The following CCDC171 variants were observed in gnomAD, a reference collection of about 807,000 sequenced individuals.
CCDC171 encodes the protein coiled-coil domain containing 171, also known as coiled-coil domain-containing protein 171.
A neutral mutation model predicts 168.2 loss-of-function variants in CCDC171; 177 were observed. The observed-to-expected ratio is 1.05, with a 90% CI of 0.93 to 1.19. The LOEUF is 1.19. Among genes scored for constraint, CCDC171 ranks in the 50% most tolerant of loss-of-function variants. CCDC171 has a pLI of 0.00. For missense variants in CCDC171, 1,991 were observed against 1,539.0 expected (o/e 1.29, Z -4.91); for synonymous variants, 687 against 540.8 (o/e 1.27, Z -3.75).
chr9:15,946,745 G>A (rs552841151), intron 25 of CCDC171, among the ~76,000 whole-genome samples: 5 of 152,002 alleles, frequency 3.3e-5, no homozygotes, highest in Non-Finnish European at 7.4e-5. Flanking sequence ...AAAGCTGGAG[G>A]CATCACACTA....
At chr9:15,978,444 A>T (rs983404788), downstream of CCDC171, among the ~76,000 whole-genome samples, 1 of 152,118 alleles carries the variant, frequency 6.6e-6, no homozygotes. Flanking sequence ...GTCCTGGCAC[A>T]TGGAGGTCAT....
chr9:15,939,443 A>G (rs1414901951), intron 25 of CCDC171, among the ~76,000 whole-genome samples: 1 of 151,892 alleles, frequency 6.6e-6, no homozygotes. Flanking sequence ...TGTTTCCTTA[A>G]TGGCACTGCA....
rs376566721 is a variant in CCDC171 at position 15,582,797 on chromosome 9, G to A, written c.352+3774G>A. Among the ~76,000 whole-genome samples the A allele has an allele frequency of 8.6e-5, 13 of 152,026 alleles. No homozygotes were observed. In the East Asian group the frequency reaches 1.4e-3, roughly 16 times the overall value. ...GGGCCTGGCAGGAGGTGGGGGGCTG[G>A]GGGAGGGATAGCATCAGGAGAAATA... On this transcript the variant is annotated intron_variant, in intron 4 of 25. Transcript: ENST00000380701.
intron 3 of CCDC171, among the ~76,000 whole-genome samples, chr9:15,996,704 A>T (rs965930833): frequency 6.6e-6 from 1 of 152,160 alleles, no homozygotes; most frequent in Non-Finnish European, 1.5e-5. Flanking sequence ...TCAATCTGGA[A>T]GGATATACAA....
chr9:15,672,845 T>A (rs571140557), intron 9 of CCDC171, among the ~76,000 whole-genome samples: 2 of 152,342 alleles, frequency 1.3e-5, no homozygotes, highest in East Asian at 3.9e-4. Flanking sequence ...TGGGCTCTTT[T>A]TTGGTTCCAT....
chr9:15,748,943 C>T (rs940490128), intron 18 of CCDC171, among the ~76,000 whole-genome samples: 2 of 152,136 alleles, frequency 1.3e-5, no homozygotes, highest in Non-Finnish European at 2.9e-5. Context: ...ATCATAATGA[C>T]AGGATCAAAT....
intron 6 of CCDC171, among the ~76,000 whole-genome samples, chr9:15,616,675 A>G (rs928356491): frequency 1.3e-5 from 2 of 152,200 alleles, no homozygotes; most frequent in South Asian, 2.1e-4. Flanking sequence ...CAGTGACTGA[A>G]TTAATACTGG....
chr9:16,065,787 C>T (rs1486131336), downstream of CCDC171, among the ~76,000 whole-genome samples: 1 of 147,768 alleles, frequency 6.8e-6, no homozygotes, highest in African/African-American at 2.6e-5. Context: ...AAATCAGCAC[C>T]CACCTATGGG....
At position 15,846,450 on chromosome 9, in the gene CCDC171, A is replaced by C. The variant is rs190129354; in HGVS notation, c.3268-252A>C. On this transcript the variant is annotated intron_variant, in intron 21 of 25. Transcript: ENST00000380701. ...ATCAGATTATTTTTAGTAAGAATAC[A>C]ATTTGCCTTGCAGTATTTGAAAAAA... 5.9e-5 allele frequency among the ~76,000 whole-genome samples: 9 copies of C among 152,300 alleles called. No homozygotes were observed. In the East Asian group the frequency reaches 1.7e-3, roughly 29 times the overall value.
chr9:16,053,707 G>A (rs1166291542), intron 1 of CCDC171, among the ~76,000 whole-genome samples: 1 of 152,224 alleles, frequency 6.6e-6, no homozygotes, highest in Admixed American at 6.5e-5. Context: ...CTGCAGTGTG[G>A]GGCCGGAGAA....
intron 4 of CCDC171, among the ~76,000 whole-genome samples, chr9:15,589,789 C>T (rs529230401): frequency 3.0e-4 from 45 of 151,654 alleles, no homozygotes; most frequent in African/African-American, 1.1e-3. Context: ...AAGAAACCTC[C>T]CAGAAATTAG....
rs141004072 is a variant in CCDC171 at position 16,008,902 on chromosome 9, C to G, written n.369-11687C>G. ...TCTCCCACCCTAGCCCTCTGGCCAT[C>G]ATGTGAATTCCAGTGTCGGCAGACC... is the stretch of plus-strand genomic sequence containing the variant. On this transcript the variant is annotated intron_variant and non_coding_transcript_variant, in intron 3 of 9. Transcript: ENST00000486641. Among the ~76,000 whole-genome samples, 90 of 152,272 alleles carry G rather than the reference C, an allele frequency of 5.9e-4. No homozygotes were observed. In the East Asian group the frequency reaches 0.011, roughly 18 times the overall value.
chr9:15,799,636 C>G (rs2058725207), intron 21 of CCDC171, among the ~76,000 whole-genome samples: 1 of 151,958 alleles, frequency 6.6e-6, no homozygotes, highest in Non-Finnish European at 1.5e-5. Flanking sequence ...TATACTCTTT[C>G]AGTTATTTTT....
intron 25 of CCDC171, among the ~76,000 whole-genome samples, chr9:15,932,033 A>T (rs549051973): frequency 6.6e-6 from 1 of 151,970 alleles, no homozygotes; most frequent in South Asian, 2.1e-4. Flanking sequence ...GTCAGGTAGT[A>T]TGATGCCTGT....
rs1489932373 is a variant in CCDC171, at chr9:15,693,107, C to T, written c.1216-2128C>T. On this transcript the variant is annotated intron_variant, in intron 10 of 25. Transcript: ENST00000380701. ...AGCTGAGATCATGCCACTGCACTCC[C>T]GCCTGGATGACAGAGCGAGACTCTG... is the stretch of plus-strand genomic sequence containing the variant. Among the ~76,000 whole-genome samples the T allele has an allele frequency of 2.0e-5, 3 of 151,840 alleles. No homozygotes were observed. The East Asian group carries it at 5.9e-4, about 30-fold the overall frequency.
At chr9:15,810,317 G>C (rs972209401) in intron 21 of CCDC171, among the ~76,000 whole-genome samples, 6 of 152,230 alleles carry the variant, frequency 3.9e-5, no homozygotes, top group Admixed American at 3.9e-4. Flanking sequence ...ACCCGACTCA[G>C]GAGCCCAGCT....
chr9:15,687,840 C>T (rs988586843), intron 10 of CCDC171, among the ~76,000 whole-genome samples: 9 of 152,020 alleles, frequency 5.9e-5, no homozygotes, highest in Non-Finnish European at 7.4e-5. Flanking sequence ...ATATAAAATC[C>T]GTTGGGCGCA....
At position 15,671,332 on chromosome 9, in the gene CCDC171, T is replaced by G. The variant is rs191808427; in HGVS notation, c.1076+5009T>G. On this transcript the variant is annotated intron_variant, in intron 9 of 25. Transcript: ENST00000380701. ...TCTACTTTTTCCAGTCTGGAAAAGT[T>G]TTTTTTTTAAATTTATTTTTATCTT... is the stretch of plus-strand genomic sequence containing the variant. Among the ~76,000 whole-genome samples, 4 of 151,656 alleles carry G rather than the reference T, an allele frequency of 2.6e-5. No homozygotes were observed. In the East Asian group the frequency reaches 7.7e-4, roughly 29 times the overall value.
chr9:15,639,265 A>T (rs901199373), intron 7 of CCDC171, among the ~76,000 whole-genome samples: 8 of 152,060 alleles, frequency 5.3e-5, no homozygotes, highest in African/African-American at 1.9e-4. Flanking sequence ...AAATGATGAA[A>T]TCACCTGTGT....
Sources: allele counts gnomAD v4.1 joint callset (sites outside exome capture counted in the v4.1 genomes callset), GRCh38; gene constraint gnomAD v4.1.1; transcripts MANE v1.5; gene names NCBI Gene and HGNC (gene_info 2026-07-23, HGNC 2026-07-21).